Variants in SLC25A48 observed in about 807,000 individuals in gnomAD.
SLC25A48 encodes CTC-321K16.1.
Under a neutral mutation model 32.2 loss-of-function variants are expected in SLC25A48, and 29 were observed. The ratio of observed to expected loss-of-function variants is 0.90; its 90% confidence interval spans 0.67 to 1.23. The LOEUF (loss-of-function observed/expected upper bound fraction) is 1.23, where lower values mean the gene tolerates loss of function less well. Ranked by LOEUF, SLC25A48 falls within the 50% of genes most tolerant of loss-of-function variation. SLC25A48 has a pLI of 0.00. For missense variants in SLC25A48, 399 were observed against 422.7 expected (o/e 0.94, Z 0.49); for synonymous variants, 164 against 172.3 (o/e 0.95, Z 0.38).
Position 135,888,081 on chromosome 5 carries a change from G to A in SLC25A48, c.*57G>A, listed in dbSNP as rs995847426. Reference sequence around the variant, plus strand: ...TGTTCCCTGGGCCTCATCTCTGCATGTGAAGCCCTGAGAGCTGCAGATGTT... The same window carrying A: ...TGTTCCCTGGGCCTCATCTCTGCATATGAAGCCCTGAGAGCTGCAGATGTT... On this transcript the variant is annotated 3_prime_UTR_variant, in exon 8 of 8. Transcript: ENST00000681962. The A allele has an allele frequency of 1.9e-6, 3 of 1,551,612 alleles. No individual in the cohort carries two copies. The highest frequency in any genetic ancestry group is 2.6e-6 in the Non-Finnish European group (3 of 1,146,826).
intron 3 of SLC25A48, among the ~76,000 whole-genome samples, chr5:135,644,609 T>G (rs1752915754): frequency 6.6e-6 from 1 of 152,148 alleles, no homozygotes; most frequent in African/African-American, 2.4e-5. Flanking sequence ...ATAAGAAAAC[T>G]GAAGCTCGGA....
At chr5:135,687,962 A>C (rs1754053945) in intron 3 of SLC25A48, among the ~76,000 whole-genome samples, 2 of 93,050 alleles carry the variant, frequency 2.1e-5, no homozygotes. Context: ...AGTGGTATTA[A>C]ATACTTGACA....
chr5:135,610,163 G>C (rs887667011), intron 1 of SLC25A48, among the ~76,000 whole-genome samples: 1 of 152,116 alleles, frequency 6.6e-6, no homozygotes, highest in South Asian at 2.1e-4. Flanking sequence ...CCCAGGAAAG[G>C]GGGGCACGGT....
intron 1 of SLC25A48, among the ~76,000 whole-genome samples, chr5:135,837,544 T>C (rs6871218): frequency 0.13 from 20,300 of 152,238 alleles, 1,775 homozygotes; most frequent in Middle Eastern, 0.2. Flanking sequence ...AAATCTCATC[T>C]TGAATTGTAG....
At chr5:135,602,525 T>C (rs1192058211) in intron 1 of SLC25A48, among the ~76,000 whole-genome samples, 6 of 152,226 alleles carry the variant, frequency 3.9e-5, no homozygotes, top group Non-Finnish European at 5.9e-5. Context: ...GTAGAATATT[T>C]GTGTGTTTAT....
chr5:135,836,076 AGAGAG>A (rs1324910740), intron 1 of SLC25A48, among the ~76,000 whole-genome samples: 10 of 152,226 alleles, frequency 6.6e-5, no homozygotes, highest in African/African-American at 2.4e-4. Flanking sequence ...GGGCAGGCAG[AGAGAG>A]GAGACACTTC....
intron 3 of SLC25A48, among the ~76,000 whole-genome samples, chr5:135,708,148 G>A (rs1382796823): frequency 6.6e-6 from 1 of 152,142 alleles, no homozygotes; most frequent in Non-Finnish European, 1.5e-5. Context: ...CTATTCGTGA[G>A]CCCCCTTTTG....
chr5:135,730,343 G>C (rs1273404932), intron 3 of SLC25A48, among the ~76,000 whole-genome samples: 1 of 152,092 alleles, frequency 6.6e-6, no homozygotes, highest in Admixed American at 6.6e-5. Flanking sequence ...TAGTGAATAA[G>C]TCTCACAAGA....
intron 5 of SLC25A48, chr5:135,872,782 C>T (rs1761760578): frequency 6.6e-6 from 1 of 152,568 alleles, no homozygotes; most frequent in Admixed American, 6.5e-5. Flanking sequence ...CCTCCTCCTC[C>T]TGCTCCTCCT....
intron 3 of SLC25A48, among the ~76,000 whole-genome samples, chr5:135,850,955 A>G (rs1452468993): frequency 1.3e-5 from 2 of 152,120 alleles, no homozygotes; most frequent in Admixed American, 1.3e-4. Context: ...TCCTTTTCCG[A>G]AGGGAAAACT....
chr5:135,621,280 A>T (rs2126898919), intron 1 of SLC25A48, among the ~76,000 whole-genome samples: 1 of 152,374 alleles, frequency 6.6e-6, no homozygotes, highest in South Asian at 2.1e-4. Flanking sequence ...GGCCTAGAGC[A>T]GTACCTGCTA....
At chr5:135,777,165 C>T (rs11242274) in intron 3 of SLC25A48, among the ~76,000 whole-genome samples, 45,867 of 151,008 alleles carry the variant, frequency 0.3, 7,088 homozygotes, top group East Asian at 0.46. Flanking sequence ...ACACACCCCC[C>T]GTAATATTGT....
intron 4 of SLC25A48, among the ~76,000 whole-genome samples, chr5:135,859,875 G>A (rs1366582519): frequency 2.0e-5 from 3 of 152,178 alleles, no homozygotes; most frequent in Non-Finnish European, 4.4e-5. Context: ...TACTCCTGCA[G>A]TGATGTTATC....
chr5:135,756,217 A>T (rs956274281), intron 3 of SLC25A48, among the ~76,000 whole-genome samples: 2 of 152,074 alleles, frequency 1.3e-5, no homozygotes, highest in African/African-American at 2.4e-5. Flanking sequence ...ACACAAAATG[A>T]TATCTATAAA....
At chr5:135,618,028 G>A (rs1580727291) in intron 1 of SLC25A48, among the ~76,000 whole-genome samples, 1 of 151,268 alleles carries the variant, frequency 6.6e-6, no homozygotes, top group East Asian at 1.9e-4. Context: ...TGTCGCCCAA[G>A]TATTATTGTA....
chr5:135,610,550 T>C (rs1207994427), intron 1 of SLC25A48, among the ~76,000 whole-genome samples: 1 of 152,232 alleles, frequency 6.6e-6, no homozygotes, highest in Non-Finnish European at 1.5e-5. Flanking sequence ...TTTCATCAGA[T>C]ATTAGGATGA....
At chr5:135,766,331 CT>C (rs1445137908) in intron 3 of SLC25A48, among the ~76,000 whole-genome samples, 4 of 141,166 alleles carry the variant, frequency 2.8e-5, no homozygotes, top group African/African-American at 1.0e-4. Flanking sequence ...GTACACCCCC[CT>C]GTAATATGGT....
chr5:135,872,025 A>G, intron 5 of SLC25A48: 4 of 1,278,618 alleles, frequency 3.1e-6, no homozygotes, highest in Non-Finnish European at 4.0e-6. Context: ...GGTTCAGTTT[A>G]TTAAATGCAA....
intron 1 of SLC25A48, among the ~76,000 whole-genome samples, chr5:135,838,303 G>A (rs141906800): frequency 1.7e-3 from 257 of 152,300 alleles, no homozygotes; most frequent in African/African-American, 6.0e-3. Flanking sequence ...TCAGTTTTAT[G>A]TATTCACAAA....
Sources: gnomAD v4.1 joint callset for allele counts (sites outside exome capture counted in the v4.1 genomes callset) on GRCh38, gnomAD v4.1.1 for gene constraint, MANE v1.5 for transcripts, NCBI Gene and HGNC (gene_info 2026-07-23, HGNC 2026-07-21) for gene names.